The following DCTN3 variants were observed in gnomAD, a reference collection of about 807,000 sequenced individuals.
DCTN3 encodes the protein dynactin subunit 3.
Under a neutral mutation model 28.4 loss-of-function variants are expected in DCTN3, and 25 were observed. The observed-to-expected ratio is 0.88, with a 90% CI of 0.64 to 1.23. The LOEUF (loss-of-function observed/expected upper bound fraction) is 1.23, where lower values mean the gene tolerates loss of function less well. DCTN3 is among the 50% of genes most tolerant of loss of function. DCTN3 has a pLI of 0.00. For synonymous variants in DCTN3, 81 were observed against 91.4 expected, an observed-to-expected ratio of 0.89 and a Z score of 0.65; for missense variants, 229 against 232.0, an observed-to-expected ratio of 0.99 and a Z score of 0.08.
rs757245618 is a variant in DCTN3, at chr9:34,618,746, C to G, written c.111G>C (p.Leu37=). 6.2e-7 allele frequency: 1 copy of G among 1,614,134 alleles called. No individual in the cohort carries two copies. The highest frequency in any genetic ancestry group is 8.5e-7 in the Non-Finnish European group (1 of 1,179,976). Residue 37 remains leucine, a synonymous_variant, in exon 2 of 7, where the codon CTG becomes CTC. Transcript: ENST00000259632. ...ARGSRKVADG[L]VKVQVALGNI... ...TCCCCAAAGCCACCTGCACCTTGACCAGGCCGTCAGCCACCTGTAAGGGAA... is the reference window on the plus strand; with the variant it reads ...TCCCCAAAGCCACCTGCACCTTGACGAGGCCGTCAGCCACCTGTAAGGGAA...
At chr9:34,617,809 G>T in intron 3 of DCTN3, 76 bp downstream of exon 3, 1 of 1,591,096 alleles carries the variant, frequency 6.3e-7, no homozygotes, top group South Asian at 1.1e-5. Flanking sequence ...AGACTGGATG[G>T]AGAGGCCATC....
At chr9:34,614,134 T>C (rs762029220) in intron 5 of DCTN3, 33 bp from the exon 6 acceptor site, 1 of 1,614,082 alleles carries the variant, frequency 6.2e-7, no homozygotes, top group South Asian at 1.1e-5. Flanking sequence ...AGAAAGGAAC[T>C]GGGCAAAGCC....
Position 34,616,325 on chromosome 9 carries a change from G to A in DCTN3, c.269-212C>T, listed in dbSNP as rs923544908. Reference sequence around the variant, plus strand: ...CAGGTCTGACCCATCTGAGCCTAATGAGCCTCTCAATTTCTCCAAATCCCA... The same window carrying A: ...CAGGTCTGACCCATCTGAGCCTAATAAGCCTCTCAATTTCTCCAAATCCCA... On this transcript the variant is annotated intron_variant, in intron 3 of 6. Coordinates refer to ENST00000259632, the MANE Select transcript of DCTN3 (RefSeq NM_007234.5). The surrounding 1 kb of genome is among the most constrained non-coding windows in gnomAD (Gnocchi z 4.7). The A allele has an allele frequency of 9.4e-6, 4 of 423,890 alleles. No homozygotes were observed. Among genetic ancestry groups the A allele is most frequent in the Non-Finnish European group, 1.7e-5 (4 of 234,054 alleles). 26.3% of individuals were successfully genotyped at this position (423,890 alleles called of 1,614,324 possible). A position where few individuals can be genotyped will look rare whatever the true frequency, so the allele number is the denominator to read the frequency against.
intron 4 of DCTN3, 85 bp downstream of exon 4, chr9:34,615,945 A>G: frequency 8.7e-7 from 1 of 1,147,762 alleles, no homozygotes; most frequent in Admixed American, 2.0e-5. Flanking sequence ...CCGAATCCAC[A>G]CAACCTGAAA....
chr9:34,613,860 G>T lies in DCTN3; in HGVS notation c.483C>A (p.Leu161=), dbSNP rs779904936. 3.1e-6 allele frequency: 5 copies of T among 1,614,154 alleles called. No homozygotes were observed. The South Asian group carries it at 5.5e-5, about 18-fold the overall frequency. The part of the protein sequence containing the change: ...LEEYNKTTML[L]SKQFVQWDEL... ...CATCCCACTGCACGAATTGCTTGGA[G>T]AGAAGCATTGTCTGGTTGTAGGTCA... Residue 161 remains leucine, a synonymous_variant, in exon 7 of 7, where the codon CTC becomes CTA. Coordinates refer to ENST00000259632, the MANE Select transcript of DCTN3 (RefSeq NM_007234.5).
At chr9:34,619,016 A>G (rs1303778321) in intron 1 of DCTN3, among the ~76,000 whole-genome samples, 1 of 152,246 alleles carries the variant, frequency 6.6e-6, no homozygotes, top group African/African-American at 2.4e-5. Flanking sequence ...TATGGAATAT[A>G]GAGTATACAC....
chr9:34,615,421 T>C (rs1820400792), intron 4 of DCTN3: 1 of 152,180 alleles, frequency 6.6e-6, no homozygotes, highest in Admixed American at 6.6e-5. Flanking sequence ...ACTCTGATAG[T>C]AAAATCTGGG....
chr9:34,619,577 C>T (rs1361435399), intron 1 of DCTN3, among the ~76,000 whole-genome samples: 3 of 152,046 alleles, frequency 2.0e-5, no homozygotes, highest in East Asian at 1.9e-4. Flanking sequence ...GAGAAGCAGC[C>T]GTAAGAGGTA....
chr9:34,617,817 A>G (rs768002313), intron 3 of DCTN3, 68 bp downstream of exon 3: 1 of 1,599,538 alleles, frequency 6.3e-7, no homozygotes, highest in East Asian at 2.2e-5. Context: ...TGGAGAGGCC[A>G]TCTCTGTGCT....
In DCTN3 at chr9:34,614,105, T is replaced by C; in HGVS notation, c.412-4A>G. On this transcript the variant is annotated splice_region_variant and splice_polypyrimidine_tract_variant and intron_variant, in intron 5 of 6. Coordinates refer to ENST00000259632, the MANE Select transcript of DCTN3 (RefSeq NM_007234.5). ...CAGTGATTTCCACACACTGGTCCTG[T>C]AGGGCCAAAGTGTAGCACAGAAAGG... is the stretch of plus-strand genomic sequence containing the variant. 6.2e-7 allele frequency: 1 copy of C among 1,614,132 alleles called. No individual in the cohort carries two copies. Among genetic ancestry groups the C allele is most frequent in the Non-Finnish European group, 8.5e-7 (1 of 1,179,956 alleles).
intron 3 of DCTN3, chr9:34,617,540 A>G (rs1306399704): frequency 3.9e-6 from 3 of 773,020 alleles, no homozygotes; most frequent in Non-Finnish European, 5.4e-6. Context: ...CTGTTCTTTA[A>G]TGGCAATGCT....
At chr9:34,618,869 T>C (rs1358462077) in intron 1 of DCTN3, 109 bp from the exon 2 acceptor site, 8 of 834,722 alleles carry the variant, frequency 9.6e-6, no homozygotes, top group African/African-American at 8.5e-5. Context: ...CCCAGTAATC[T>C]AGGTTGGCCT....
rs1325358643 is a variant in DCTN3 at position 34,616,012 on chromosome 9, A to G, written c.352+18T>C. 6 of 1,610,564 alleles carry G rather than the reference A, an allele frequency of 3.7e-6. No homozygotes were observed. Among genetic ancestry groups the G allele is most frequent in the Non-Finnish European group, 5.1e-6 (6 of 1,177,242 alleles). On this transcript the variant is annotated intron_variant, in intron 4 of 6. Transcript: ENST00000259632. The surrounding 1 kb of genome is among the most constrained non-coding windows in gnomAD (Gnocchi z 4.7). ...CCTCCCCAACCAGAGTAGTGAAGCT[A>G]TAACCCCAGAGAGATACCTTTGATG...
rs973187569 is a variant in DCTN3 at position 34,620,219 on chromosome 9, G to A, written c.96+150C>T. The stretch of plus-strand genomic sequence containing the variant: ...GCCCCCTATGACAGTGGACCCCGAT[G>A]GTCCAATCAGCTCTGGGAGGTCCCG... On this transcript the variant is annotated intron_variant, in intron 1 of 6. Coordinates refer to ENST00000259632, the MANE Select transcript of DCTN3 (RefSeq NM_007234.5). 3.7e-5 allele frequency: 26 copies of A among 697,708 alleles called. 1 individual carries two copies. The highest frequency in any genetic ancestry group is 5.8e-5 in the Non-Finnish European group (24 of 416,150). The allele number at this position is 697,708 out of a possible 1,614,324, so 43.2% of individuals were successfully genotyped here.
chr9:34,619,400 G>A (rs10814127), intron 1 of DCTN3, among the ~76,000 whole-genome samples: 27,234 of 152,218 alleles, frequency 0.18, 3,027 homozygotes, highest in Non-Finnish European at 0.25. Context: ...CATGTAAATA[G>A]TAATTGACAC....
At chr9:34,618,159 T>C (rs1316551700) in intron 2 of DCTN3, among the ~76,000 whole-genome samples, 188 bp from the exon 3 acceptor site, 1 of 152,184 alleles carries the variant, frequency 6.6e-6, no homozygotes, top group Non-Finnish European at 1.5e-5. Context: ...CTCTCTTCTC[T>C]TGAAGTCTCT....
chr9:34,617,403 C>T (rs1312889668), intron 3 of DCTN3, among the ~76,000 whole-genome samples: 1 of 152,226 alleles, frequency 6.6e-6, no homozygotes, highest in African/African-American at 2.4e-5. Flanking sequence ...GCTCAAAAAA[C>T]CCTAGCTTAT....
At chr9:34,614,311 G>A (rs1037089782) in intron 5 of DCTN3, 10 of 1,101,948 alleles carry the variant, frequency 9.1e-6, no homozygotes, top group Admixed American at 2.6e-5. Context: ...GGAAAAGGGA[G>A]TGGCCATACA....
At chr9:34,613,937 C>G in intron 6 of DCTN3, 66 bp from the exon 7 acceptor site, 2 of 1,613,212 alleles carry the variant, frequency 1.2e-6, no homozygotes, top group Non-Finnish European at 1.7e-6. Context: ...GGGGAACAGG[C>G]AAACATAGGT....
Sources: gnomAD v4.1 joint callset for allele counts (sites outside exome capture counted in the v4.1 genomes callset) on GRCh38, gnomAD v4.1.1 for gene constraint, Gnocchi (gnomAD v3.1) non-coding constraint, MANE v1.5 for transcripts, NCBI Gene and HGNC (gene_info 2026-07-23, HGNC 2026-07-21) for gene names.